Variants in MEI1 observed in about 807,000 individuals in gnomAD.
MEI1 encodes the protein meiosis inhibitor protein 1.
In MEI1, 103 loss-of-function variants were observed where a neutral mutation model predicts 146.2. That is an observed-to-expected ratio of 0.70 (90% CI 0.60 to 0.83). The LOEUF (loss-of-function observed/expected upper bound fraction) is 0.83. Among genes scored for constraint, MEI1 ranks in the 40% least tolerant of loss-of-function variants. The pLI, the probability that MEI1 is intolerant of heterozygous loss-of-function variation, is 0.00. For synonymous variants in MEI1, 652 were observed against 628.2 expected (o/e 1.04, Z -0.57); for missense variants, 1,529 against 1,533.0 (o/e 1.00, Z 0.04).
chr22:41,712,012 G>C (rs890360700), intron 3 of MEI1, among the ~76,000 whole-genome samples: 1 of 151,348 alleles, frequency 6.6e-6, no homozygotes, highest in Admixed American at 6.6e-5. Flanking sequence ...GACCAGCCTG[G>C]CCAACATGTA....
intron 18 of MEI1, among the ~76,000 whole-genome samples, chr22:41,758,878 C>T (rs891578068): frequency 2.6e-5 from 4 of 152,112 alleles, no homozygotes; most frequent in African/African-American, 9.7e-5. Context: ...CATGGTGGCT[C>T]ACGCCTGTAA....
intron 13 of MEI1, among the ~76,000 whole-genome samples, chr22:41,745,624 C>G (rs1247820973): frequency 6.6e-6 from 1 of 152,056 alleles, no homozygotes; most frequent in Non-Finnish European, 1.5e-5. Flanking sequence ...TAGCAAATAG[C>G]ATGGCATATT....
intron 26 of MEI1, among the ~76,000 whole-genome samples, chr22:41,787,298 C>CCTGCAGTTTTTCAAACATA (rs1224559224): frequency 6.6e-6 from 1 of 151,012 alleles, no homozygotes; most frequent in East Asian, 1.9e-4. Context: ...CTTTTTTTTT[C>CCTGCAGTTTTTCAAACATA]CTGCAGTTTT....
At chr22:41,766,177 C>T (rs989066804) in intron 19 of MEI1, among the ~76,000 whole-genome samples, 1 of 148,994 alleles carries the variant, frequency 6.7e-6, no homozygotes, top group African/African-American at 2.5e-5. Flanking sequence ...GCCGGCCATA[C>T]GGTTTTTGTT....
chr22:41,744,427 C>T (rs2073129029), intron 12 of MEI1, among the ~76,000 whole-genome samples: 1 of 151,630 alleles, frequency 6.6e-6, no homozygotes, highest in Non-Finnish European at 1.5e-5. Context: ...CTGCCTTGGC[C>T]TCCCAAAGTG....
At chr22:41,747,821 T>C (rs2073440522) in intron 14 of MEI1, among the ~76,000 whole-genome samples, 1 of 150,578 alleles carries the variant, frequency 6.6e-6, no homozygotes, top group South Asian at 2.1e-4. Flanking sequence ...CTCTGCATTA[T>C]GGTTTAGAAA....
chr22:41,788,828 G>A (rs1040255207), intron 26 of MEI1, among the ~76,000 whole-genome samples: 1 of 152,092 alleles, frequency 6.6e-6, no homozygotes, highest in African/African-American at 2.4e-5. Context: ...ATTCAACTCT[G>A]CCTCTGGCAA....
chr22:41,758,451 C>T lies in MEI1; in HGVS notation c.2038C>T (p.Arg680Cys), dbSNP rs1312304111. The change falls in exon 18 of 31, where the codon CGC becomes TGC. Residue 680 changes from arginine to cysteine, a missense_variant. This residue lies in a region of MEI1 where 1,212 missense variants were observed against 1,178.9 expected (regional missense o/e 1.03). Transcript: ENST00000401548. Reference sequence around the variant, plus strand: ...TGAAAGCCTTGCCTTCCTGTCTGATCGCCAGTACATGGAGGGAGCTGCTCG... The same window carrying T: ...TGAAAGCCTTGCCTTCCTGTCTGATTGCCAGTACATGGAGGGAGCTGCTCG... ...SPESLAFLSD[R>C]QYMEGAARQR... is the part of the protein sequence containing the mutation. 6 of 1,613,920 alleles carry T rather than the reference C, an allele frequency of 3.7e-6. No homozygotes were observed. The highest frequency in any genetic ancestry group is 3.4e-6 in the Non-Finnish European group (4 of 1,179,860).
rs780338893 is a variant in MEI1, at chr22:41,758,486, G to C, written c.2073G>C (p.Gln691His). The change falls in exon 18 of 31, where the codon CAG (glutamine) becomes CAC (histidine). Residue 691 changes from glutamine to histidine, a missense_variant. By Grantham distance (24) the Gln-to-His change is conservative. This residue lies in a region of MEI1 where 1,212 missense variants were observed against 1,178.9 expected (regional missense o/e 1.03). Coordinates refer to ENST00000401548, the MANE Select transcript of MEI1 (RefSeq NM_152513.4). The part of the protein sequence containing the change: ...QYMEGAARQR[Q>H]YCILLLFYLA... Reference sequence around the variant, plus strand: ...TGGAGGGAGCTGCTCGCCAGAGACAGTACTGCATCCTGCTCCTCTTCTACT... The same window carrying C: ...TGGAGGGAGCTGCTCGCCAGAGACACTACTGCATCCTGCTCCTCTTCTACT... 3.1e-6 allele frequency: 5 copies of C among 1,613,762 alleles called. No homozygotes were observed. The highest frequency in any genetic ancestry group is 3.4e-6 in the Non-Finnish European group (4 of 1,179,788).
In MEI1 at chr22:41,795,720, C is replaced by T. The variant is rs776461104; in HGVS notation, c.3667-15C>T. On this transcript the variant is annotated splice_polypyrimidine_tract_variant and intron_variant, in intron 29 of 30. Transcript: ENST00000401548. This position sits in a 1 kb window ranked among gnomAD's most constrained non-coding sequence, Gnocchi z 4.2. ...ACTGAGGAGGCCTGTCTTCCCTGCC[C>T]TCTTCTCCCTGCAGCTCCAGAGCAT... is the stretch of plus-strand genomic sequence containing the variant. 3.1e-6 allele frequency: 5 copies of T among 1,611,794 alleles called. No homozygotes were observed. In the African/African-American group the frequency reaches 6.7e-5, roughly 22 times the overall value.
At chr22:41,762,534 C>A (rs894082406) in intron 18 of MEI1, among the ~76,000 whole-genome samples, 19 of 151,506 alleles carry the variant, frequency 1.3e-4, no homozygotes, top group African/African-American at 3.9e-4. Context: ...GTCTACACAA[C>A]CAGCTAATTT....
At chr22:41,792,924 A>G (rs1261796468) in intron 26 of MEI1, among the ~76,000 whole-genome samples, 2 of 151,964 alleles carry the variant, frequency 1.3e-5, no homozygotes, top group African/African-American at 2.4e-5. Context: ...GCTTTAAAAA[A>G]AAAAAAAAAG....
chr22:41,794,594 C>T lies in MEI1; in HGVS notation c.3534+117C>T, dbSNP rs544925174. 701 of 791,176 alleles carry T rather than the reference C, an allele frequency of 8.9e-4. 4 individuals are homozygous for T. The highest frequency in any genetic ancestry group is 5.9e-3 in the Middle Eastern group (16 of 2,700). 49.0% of individuals were successfully genotyped at this position (791,176 alleles called of 1,614,324 possible). The stretch of plus-strand genomic sequence containing the variant: ...AATCCTTAAAGAAGGTGGAAGGGCT[C>T]GGCAGGCCTTCACCCTACAAGAGAC... On this transcript the variant is annotated intron_variant, in intron 28 of 30. Coordinates refer to ENST00000401548, the MANE Select transcript of MEI1 (RefSeq NM_152513.4).
intron 17 of MEI1, among the ~76,000 whole-genome samples, chr22:41,758,069 T>A (rs1260111404): frequency 6.6e-6 from 1 of 151,896 alleles, no homozygotes; most frequent in South Asian, 2.1e-4. Context: ...GATCATGCCA[T>A]TGCACTCCAG....
intron 4 of MEI1, among the ~76,000 whole-genome samples, chr22:41,714,931 G>A (rs1420638010): frequency 6.6e-6 from 1 of 151,914 alleles, no homozygotes; most frequent in Non-Finnish European, 1.5e-5. Flanking sequence ...ATTTAAGACT[G>A]AGGAATAATA....
chr22:41,714,219 C>A, intron 4 of MEI1, 144 bp downstream of exon 4: 1 of 721,994 alleles, frequency 1.4e-6, no homozygotes, highest in Non-Finnish European at 2.3e-6. Flanking sequence ...AGAGTCAGAG[C>A]TAAGGCCTGG....
In MEI1 at chr22:41,758,385, C is replaced by T; in HGVS notation, c.1972C>T (p.Leu658Phe). Residue 658 changes from leucine to phenylalanine, a missense_variant, in exon 18 of 31, where the codon CTC becomes TTC. Physicochemically the swap from Leu to Phe is conservative, Grantham distance 22. Coordinates refer to ENST00000401548, the MANE Select transcript of MEI1 (RefSeq NM_152513.4). ...CCTAGAACTCTCTGCAGTGTCTGAG[C>T]TCCTGCAGCATGGGCTGCCCCAGAT... ...SKEELSAVSE[L>F]LQHGLPQISS... 2 of 1,613,522 alleles carry T rather than the reference C, an allele frequency of 1.2e-6. No homozygotes were observed. The highest frequency in any genetic ancestry group is 1.7e-6 in the Non-Finnish European group (2 of 1,179,666).
In MEI1 at chr22:41,781,654, C is replaced by G. The variant is rs371261620; in HGVS notation, c.2927-31C>G. The stretch of plus-strand genomic sequence containing the variant: ...CTTAGCTGAAGCTCCTCTGTAACTC[C>G]TGTGGGCCCTGCCTTGCCCACCCCC... On this transcript the variant is annotated intron_variant, in intron 23 of 30. Coordinates refer to ENST00000401548, the MANE Select transcript of MEI1 (RefSeq NM_152513.4). The G allele has an allele frequency of 8.1e-6, 13 of 1,607,654 alleles. No individual in the cohort carries two copies. In the African/African-American group the frequency reaches 1.7e-4, roughly 21 times the overall value.
chr22:41,706,929 G>A (rs952620650), intron 3 of MEI1, among the ~76,000 whole-genome samples: 8 of 150,436 alleles, frequency 5.3e-5, no homozygotes, highest in Non-Finnish European at 8.8e-5. Context: ...AGTGGCTCAC[G>A]CCTGTAATCC....
Sources: allele counts gnomAD v4.1 joint callset (sites outside exome capture counted in the v4.1 genomes callset), GRCh38; gene constraint gnomAD v4.1.1; regional missense constraint gnomAD v4.1.1; non-coding constraint Gnocchi (gnomAD v3.1); transcripts MANE v1.5; gene names NCBI Gene and HGNC (gene_info 2026-07-23, HGNC 2026-07-21).